Variants in NPAS3 observed in about 807,000 individuals in gnomAD.
The protein encoded by NPAS3 is neuronal PAS domain-containing protein 3.
A neutral mutation model predicts 73.1 loss-of-function variants in NPAS3; 14 were observed. That is an observed-to-expected ratio of 0.19 (90% CI 0.13 to 0.30). The LOEUF (loss-of-function observed/expected upper bound fraction) is 0.30, where lower values mean the gene tolerates loss of function less well. Ranked by LOEUF, NPAS3 falls within the 10% of genes least tolerant of loss-of-function variation. NPAS3 has a pLI of 1.00. For missense variants in NPAS3, 1,096 were observed against 1,250.0 expected (o/e 0.88, Z 1.86); for synonymous variants, 620 against 541.5 (o/e 1.14, Z -2.01).
intron 3 of NPAS3, among the ~76,000 whole-genome samples, chr14:33,288,178 T>G (rs1281805896): frequency 6.6e-6 from 1 of 152,176 alleles, no homozygotes; most frequent in Admixed American, 6.5e-5. Flanking sequence ...GAGGGCCAGG[T>G]CTGCCAAGTC....
intron 11 of NPAS3, among the ~76,000 whole-genome samples, chr14:33,798,746 C>A (rs2063587419): frequency 6.6e-6 from 1 of 152,104 alleles, no homozygotes; most frequent in Non-Finnish European, 1.5e-5. Context: ...GTAGTCTCTG[C>A]CCCTTTTTAA....
intron 2 of NPAS3, among the ~76,000 whole-genome samples, chr14:33,172,987 C>T (rs975079172): frequency 2.0e-5 from 3 of 152,056 alleles, no homozygotes; most frequent in Non-Finnish European, 4.4e-5. Flanking sequence ...ACATATTGTT[C>T]TAATCAATAT....
chr14:33,582,970 G>GTTTTTTCTTTTTTTTT (rs1555416781), intron 5 of NPAS3, among the ~76,000 whole-genome samples: 1 of 93,304 alleles, frequency 1.1e-5, no homozygotes, highest in African/African-American at 7.8e-5. Context: ...TATTTAAAGG[G>GTTTTTTCTTTTTTTTT]TTTTTTTTTT....
At chr14:33,748,892 G>T (rs560669380) in intron 7 of NPAS3, among the ~76,000 whole-genome samples, 22 of 152,294 alleles carry the variant, frequency 1.4e-4, no homozygotes, top group African/African-American at 4.8e-4. Flanking sequence ...ATTAAAGTCT[G>T]CCCAGAAGTT....
At chr14:33,117,734 T>G (rs987626161) in intron 2 of NPAS3, among the ~76,000 whole-genome samples, 1 of 152,120 alleles carries the variant, frequency 6.6e-6, no homozygotes, top group East Asian at 1.9e-4. Context: ...CTTAGTAAAG[T>G]CATAATTAAT....
chr14:32,939,160 CCGGCCCCGGCCA>C (rs1566780560), upstream of NPAS3: 1 of 132,848 alleles, frequency 7.5e-6, no homozygotes, highest in Non-Finnish European at 1.5e-5. Context: ...GGCCACGGCC[CCGGCCCCGGCCA>C]CCGCCCGCCG....
chr14:33,425,000 GTGATAGAGA>G (rs1251091562), intron 4 of NPAS3, among the ~76,000 whole-genome samples: 1 of 151,994 alleles, frequency 6.6e-6, no homozygotes, highest in African/African-American at 2.4e-5. Flanking sequence ...AGAATTAGCA[GTGATAGAGA>G]TGTAGAAGGA....
intron 2 of NPAS3, among the ~76,000 whole-genome samples, chr14:33,158,598 G>T (rs765517255): frequency 1.3e-5 from 2 of 152,138 alleles, no homozygotes; most frequent in Admixed American, 1.3e-4. Context: ...CTAAGGTACT[G>T]CAGAGAGAGG....
chr14:33,778,655 C>G (rs2138511383), intron 9 of NPAS3, 83 bp downstream of exon 9: 1 of 877,680 alleles, frequency 1.1e-6, no homozygotes, highest in South Asian at 1.4e-5. Flanking sequence ...CTGATTTTTC[C>G]CTTCATCTTT....
At chr14:33,220,561 T>G (rs2047385908) in intron 3 of NPAS3, among the ~76,000 whole-genome samples, 1 of 152,230 alleles carries the variant, frequency 6.6e-6, no homozygotes, top group Non-Finnish European at 1.5e-5. Flanking sequence ...AAGCAATGTT[T>G]ATATCACCGC....
At chr14:33,786,666 G>C (rs1451644915) in intron 9 of NPAS3, among the ~76,000 whole-genome samples, 2 of 152,206 alleles carry the variant, frequency 1.3e-5, no homozygotes, top group African/African-American at 4.8e-5. Context: ...AAACTTATTA[G>C]TGAAAATGAC....
At chr14:33,140,374 AAC>A (rs201536440) in intron 2 of NPAS3, among the ~76,000 whole-genome samples, 3,117 of 152,252 alleles carry the variant, frequency 0.02, 57 homozygotes, top group Middle Eastern at 0.041. Context: ...CACAGAAAAA[AAC>A]AGTCACTATT....
intron 2 of NPAS3, among the ~76,000 whole-genome samples, chr14:33,200,279 G>C (rs1366243808): frequency 6.6e-6 from 1 of 151,750 alleles, no homozygotes; most frequent in South Asian, 2.1e-4. Flanking sequence ...CACTCTCTGG[G>C]CTACTTTTAC....
At chr14:32,996,664 G>A (rs1353810400) in intron 1 of NPAS3, among the ~76,000 whole-genome samples, 1 of 152,206 alleles carries the variant, frequency 6.6e-6, no homozygotes, top group Non-Finnish European at 1.5e-5. Flanking sequence ...TGCATGTGGT[G>A]TTGAGCCTGC....
chr14:33,577,355 A>AT (rs2056477112), intron 5 of NPAS3, among the ~76,000 whole-genome samples: 2 of 152,096 alleles, frequency 1.3e-5, no homozygotes, highest in Non-Finnish European at 2.9e-5. Context: ...GCTTTCTGAG[A>AT]TTTGTGAGGC....
chr14:32,950,616 A>G (rs1174639966), intron 1 of NPAS3, among the ~76,000 whole-genome samples: 2 of 152,120 alleles, frequency 1.3e-5, no homozygotes, highest in Non-Finnish European at 2.9e-5. Context: ...GCAAGGTACA[A>G]CAATCTTAAC....
At chr14:33,124,173 G>A (rs543217918) in intron 2 of NPAS3, among the ~76,000 whole-genome samples, 2 of 152,130 alleles carry the variant, frequency 1.3e-5, no homozygotes, top group East Asian at 1.9e-4. Context: ...TTTTATAGAG[G>A]AAAGATTGTG....
intron 4 of NPAS3, among the ~76,000 whole-genome samples, chr14:33,410,799 C>T (rs1302038605): frequency 6.6e-6 from 1 of 152,156 alleles, no homozygotes. Context: ...GCATGCGCCA[C>T]CACACCCGGC....
intron 4 of NPAS3, among the ~76,000 whole-genome samples, chr14:33,541,227 AC>A (rs1190807926): frequency 6.6e-6 from 1 of 152,116 alleles, no homozygotes; most frequent in Non-Finnish European, 1.5e-5. Flanking sequence ...AAAGGAAGTT[AC>A]TTGTTCATGC....
Sources: gnomAD v4.1 joint callset for allele counts (sites outside exome capture counted in the v4.1 genomes callset) on GRCh38, gnomAD v4.1.1 for gene constraint, MANE v1.5 for transcripts, NCBI Gene and HGNC (gene_info 2026-07-23, HGNC 2026-07-21) for gene names.